The following CAPN9 variants were observed in gnomAD, a reference collection of about 807,000 sequenced individuals.
The protein encoded by CAPN9 is calpain 9.
Under a neutral mutation model 92.8 loss-of-function variants are expected in CAPN9, and 81 were observed. The observed-to-expected ratio is 0.87, with a 90% CI of 0.73 to 1.05. CAPN9 has a LOEUF of 1.05. Among genes scored for constraint, CAPN9 ranks in the 50% least tolerant of loss-of-function variants. The pLI is 0.00. For missense variants in CAPN9, 848 were observed against 866.2 expected, an observed-to-expected ratio of 0.98 and a Z score of 0.26; for synonymous variants, 304 against 328.0, an observed-to-expected ratio of 0.93 and a Z score of 0.79.
chr1:230,800,121 T>C (rs1040035226), intron 19 of CAPN9, among the ~76,000 whole-genome samples: 1 of 150,692 alleles, frequency 6.6e-6, no homozygotes, highest in Non-Finnish European at 1.5e-5. Flanking sequence ...GAGCTTACAG[T>C]GAGCCAAGAT....
chr1:230,784,491 C>T (rs759399617), intron 11 of CAPN9, among the ~76,000 whole-genome samples: 4 of 152,264 alleles, frequency 2.6e-5, no homozygotes, highest in Non-Finnish European at 4.4e-5. Flanking sequence ...GACACTGTTA[C>T]CTGCATCCCA....
chr1:230,759,217 T>A lies in CAPN9; in HGVS notation c.284-295T>A, dbSNP rs554416261. On this transcript the variant is annotated intron_variant, in intron 2 of 19. Transcript: ENST00000271971. Reference sequence around the variant, plus strand: ...CAGTCTTGGTCCTCTGGAAAGGGAGTTGCTGGAATTCACAGAGCTGATGCA... The same window carrying A: ...CAGTCTTGGTCCTCTGGAAAGGGAGATGCTGGAATTCACAGAGCTGATGCA... 5.9e-5 allele frequency among the ~76,000 whole-genome samples: 9 copies of A among 151,964 alleles called. No individual in the cohort carries two copies. The South Asian group carries it at 1.9e-3, about 32-fold the overall frequency.
chr1:230,789,473 CAAAAAAAAA>C (rs57738295), intron 13 of CAPN9, among the ~76,000 whole-genome samples: 6,233 of 66,412 alleles, frequency 0.094, 614 homozygotes, highest in African/African-American at 0.26. Context: ...GACCCTGTAT[CAAAAAAAAA>C]AAAAAAAAAA....
chr1:230,797,829 T>C (rs898778988), intron 18 of CAPN9, among the ~76,000 whole-genome samples: 1 of 152,152 alleles, frequency 6.6e-6, no homozygotes, highest in Non-Finnish European at 1.5e-5. Context: ...GCGTGTGCTT[T>C]TTTTCTGGGG....
Position 230,767,569 on chromosome 1 carries a change from GGA to G in CAPN9, c.567_568del (p.Gly190GlnfsTer20), listed in dbSNP as rs1558093067. On this transcript the variant is annotated frameshift_variant, in exon 5 of 20. Coordinates refer to ENST00000271971, the MANE Select transcript of CAPN9 (RefSeq NM_006615.3). LOFTEE classifies it high-confidence loss of function. Reference protein sequence around the residue: ...KLNGSYEALKGGSAIEAMEDF... With the variant: ...KLNGSYEALKXGSAIEAMEDF... ...AAATGGGAGCTATGAAGCTCTGAAG[GGA>G]GGCAGCGCCATCGAGGCCATGGAAG... 1 of 1,612,968 alleles carries G rather than the reference GGA, an allele frequency of 6.2e-7. No homozygotes were observed. Among genetic ancestry groups the G allele is most frequent in the Admixed American group, 1.7e-5 (1 of 59,802 alleles).
At position 230,780,655 on chromosome 1, in the gene CAPN9, C is replaced by T; in HGVS notation, c.1428C>T (p.His476=). ...YILIPSTFEP[H]QEADFCLRIF... ...TGATTCCCAGCACTTTTGAGCCCCA[C>T]CAGGAAGCTGATTTCTGTCTGAGAA... Residue 476 remains histidine (H), a synonymous_variant, in exon 11 of 20, where the codon CAC becomes CAT. Coordinates refer to ENST00000271971, the MANE Select transcript of CAPN9 (RefSeq NM_006615.3). 1 of 1,614,118 alleles carries T rather than the reference C, an allele frequency of 6.2e-7. No homozygotes were observed. The highest frequency in any genetic ancestry group is 8.5e-7 in the Non-Finnish European group (1 of 1,180,006).
chr1:230,795,181 AC>A lies in CAPN9; in HGVS notation c.1891del (p.Leu631SerfsTer4). 6.2e-7 allele frequency: 1 copy of A among 1,611,358 alleles called. No homozygotes were observed. Among genetic ancestry groups the A allele is most frequent in the Non-Finnish European group, 8.5e-7 (1 of 1,178,274 alleles). On this transcript the variant is annotated frameshift_variant, in exon 18 of 20. Transcript: ENST00000271971. LOFTEE classifies it high-confidence loss of function. Reference sequence around the variant, plus strand: ...CCCACAGGCTTTCAGCTGAGCAGCCACCTCCTGCAGCTGATTGTGCTCAGGT... The same window carrying A: ...CCCACAGGCTTTCAGCTGAGCAGCCACTCCTGCAGCTGATTGTGCTCAGGT... ...LKAAGFQLSS[H>X]LLQLIVLRYA...
At chr1:230,752,677 G>A in intron 1 of CAPN9, 3 of 985,382 alleles carry the variant, frequency 3.0e-6, no homozygotes, top group Non-Finnish European at 3.6e-6. Context: ...CTGCTGGGCA[G>A]GGATCTGTGG....
At chr1:230,775,889 C>G (rs1416342546) in intron 8 of CAPN9, among the ~76,000 whole-genome samples, 1 of 149,568 alleles carries the variant, frequency 6.7e-6, no homozygotes, top group Non-Finnish European at 1.5e-5. Context: ...TGCACTCTAG[C>G]CTGGACAACA....
At chr1:230,774,739 C>CTTTTTTT (rs747512464) in intron 8 of CAPN9, 108 bp downstream of exon 8, 4 of 386,390 alleles carry the variant, frequency 1.0e-5, no homozygotes, top group East Asian at 4.0e-5. Flanking sequence ...TTCTTTCTTT[C>CTTTTTTT]TTTTTTTTTT....
chr1:230,787,635 G>C (rs1667700535), intron 13 of CAPN9, 33 bp downstream of exon 13: 4 of 1,585,436 alleles, frequency 2.5e-6, no homozygotes, highest in Non-Finnish European at 3.5e-6. Flanking sequence ...CTCCCCACCA[G>C]GCTGAGGGCC....
chr1:230,766,934 C>T (rs28359641), intron 4 of CAPN9, among the ~76,000 whole-genome samples: 127 of 152,202 alleles, frequency 8.3e-4, no homozygotes, highest in Non-Finnish European at 1.5e-3. Context: ...GAAAGACCCG[C>T]CTCCATAATT....
rs756689325 is a variant in CAPN9, at chr1:230,798,143, C to A, written c.1988-19C>A. On this transcript the variant is annotated intron_variant, in intron 18 of 19. Transcript: ENST00000271971. ...GAATTGTCTTTAAAAGGATGCCTTT[C>A]CCCCTTCTCTCCTATCAGGGGTGTT... 2 of 1,570,492 alleles carry A rather than the reference C, an allele frequency of 1.3e-6. No homozygotes were observed. Among genetic ancestry groups the A allele is most frequent in the African/African-American group, 1.3e-5 (1 of 74,248 alleles).
chr1:230,780,081 C>CGTGT lies in CAPN9; in HGVS notation c.1115-60_1115-57dup, dbSNP rs59033537. ...TAATGAGGGCAGATAGGTGTATGTG[C>CGTGT]GTGTGTGTGTGTGTGTGTGTGTGTG... is the stretch of plus-strand genomic sequence containing the variant. On this transcript the variant is annotated intron_variant, in intron 9 of 19. Transcript: ENST00000271971. 2,827 of 646,586 alleles carry CGTGT rather than the reference C, an allele frequency of 4.4e-3. 4 individuals are homozygous for CGTGT. The highest frequency in any genetic ancestry group is 0.01 in the East Asian group (363 of 34,688). 40.1% of individuals were successfully genotyped at this position (646,586 alleles called of 1,614,324 possible).
chr1:230,772,209 G>T, intron 7 of CAPN9, 110 bp downstream of exon 7: 2 of 896,838 alleles, frequency 2.2e-6, no homozygotes, highest in South Asian at 1.5e-5. Flanking sequence ...CCCGGGCTCT[G>T]ACTCAGGATC....
At chr1:230,768,317 T>C (rs1319344938) in intron 5 of CAPN9, among the ~76,000 whole-genome samples, 2 of 152,172 alleles carry the variant, frequency 1.3e-5, no homozygotes, top group Non-Finnish European at 2.9e-5. Context: ...CTGTATCAGA[T>C]GGAACAATCT....
At position 230,762,754 on chromosome 1, in the gene CAPN9, C is replaced by T. The variant is rs765767253; in HGVS notation, c.504C>T (p.Phe168=). The T allele has an allele frequency of 6.2e-7, 1 of 1,614,176 alleles. No individual in the cohort carries two copies. Among genetic ancestry groups the T allele is most frequent in the South Asian group, 1.1e-5 (1 of 91,080 alleles). ...TCCACTCTGCCGACCACAACGAGTT[C>T]TGGAGCGCCTTGCTGGAAAAAGCCT... The part of the protein sequence containing the change: ...VFLHSADHNE[F]WSALLEKAYA... Residue 168 remains phenylalanine (F), a synonymous_variant, in exon 4 of 20, where the codon TTC becomes TTT. Transcript: ENST00000271971.
In CAPN9 at chr1:230,747,472, C is replaced by A; in HGVS notation, c.-25C>A. The A allele has an allele frequency of 6.2e-7, 1 of 1,606,558 alleles. No individual in the cohort carries two copies. Among genetic ancestry groups the A allele is most frequent in the Non-Finnish European group, 8.5e-7 (1 of 1,173,552 alleles). On this transcript the variant is annotated 5_prime_UTR_variant, in exon 1 of 20. Coordinates refer to ENST00000271971, the MANE Select transcript of CAPN9 (RefSeq NM_006615.3). ...TTTCTTTTCCATCCACTGCCGGACC[C>A]AAGCCAGCCTTCCAGGGAGCAGCCA... is the stretch of plus-strand genomic sequence containing the variant.
At chr1:230,786,404 G>A (rs1376519360) in intron 12 of CAPN9, among the ~76,000 whole-genome samples, 1 of 152,146 alleles carries the variant, frequency 6.6e-6, no homozygotes, top group Non-Finnish European at 1.5e-5. Context: ...GGTAAAGGAG[G>A]ACAAAGGTTT....
Sources: allele counts gnomAD v4.1 joint callset (sites outside exome capture counted in the v4.1 genomes callset), GRCh38; gene constraint gnomAD v4.1.1; transcripts MANE v1.5; gene names NCBI Gene and HGNC (gene_info 2026-07-23, HGNC 2026-07-21).